PARP9: variants seen among roughly 807,000 people sequenced by gnomAD.
PARP9 encodes the protein protein mono-ADP-ribosyltransferase PARP9.
In PARP9, 48 loss-of-function variants were observed where a neutral mutation model predicts 68.8. The observed-to-expected ratio is 0.70, with a 90% CI of 0.55 to 0.89. The LOEUF is 0.89. Ranked by LOEUF, PARP9 falls within the 40% of genes least tolerant of loss-of-function variation. PARP9 has a pLI of 0.00. For missense variants in PARP9, 806 were observed against 969.3 expected (o/e 0.83, Z 2.24); for synonymous variants, 309 against 333.8 (o/e 0.93, Z 0.81).
intron 10 of PARP9, chr3:122,532,018 T>C (rs1200074696): frequency 2.2e-6 from 1 of 460,322 alleles, no homozygotes; most frequent in Non-Finnish European, 2.9e-6. Flanking sequence ...ACAATGGAAA[T>C]CTCGGAATAA....
chr3:122,538,362 AAGAG>A (rs1281230181), intron 8 of PARP9, among the ~76,000 whole-genome samples: 2 of 152,212 alleles, frequency 1.3e-5, no homozygotes, highest in African/African-American at 2.4e-5. Flanking sequence ...AGTGGCATAA[AAGAG>A]AGGCCATGCC....
Position 122,552,487 on chromosome 3 carries a change from T to A in PARP9, c.1038A>T (p.Thr346=). The change falls in exon 5 of 11, where the codon ACA becomes ACT. Residue 346 remains threonine, a synonymous_variant. Coordinates refer to ENST00000682323, the MANE Select transcript of PARP9 (RefSeq NM_001146105.2). ...QFQRSQLVLV[T]KGFNLFCKYI... is the part of the protein sequence containing the mutation. Reference sequence around the variant, plus strand: ...ATTTACAGAACAAGTTAAATCCTTTTGTGACCAGTACCAACTGGGACCGTT... The same window carrying A: ...ATTTACAGAACAAGTTAAATCCTTTAGTGACCAGTACCAACTGGGACCGTT... The A allele has an allele frequency of 6.2e-7, 1 of 1,614,190 alleles. No homozygotes were observed. The highest frequency in any genetic ancestry group is 8.5e-7 in the Non-Finnish European group (1 of 1,180,018).
At position 122,530,139 on chromosome 3, in the gene PARP9, T is replaced by G. The variant is rs1263854569; in HGVS notation, c.2081-1396A>C. ...TTGCAGTGAGCTGTGATCGTGCCAC[T>G]GCACTCCAACCTGGGTGACAAAGCA... On this transcript the variant is annotated intron_variant, in intron 10 of 10. Coordinates refer to ENST00000682323, the MANE Select transcript of PARP9 (RefSeq NM_001146105.2). Among the ~76,000 whole-genome samples the G allele has an allele frequency of 7.6e-5, 10 of 131,270 alleles. No individual in the cohort carries two copies. In the Admixed American group the frequency reaches 9.0e-4, roughly 12 times the overall value. 86.1% of individuals were successfully genotyped at this position (131,270 alleles called of 152,430 possible).
intron 4 of PARP9, among the ~76,000 whole-genome samples, chr3:122,553,179 G>C (rs2079357477): frequency 6.6e-6 from 1 of 152,120 alleles, no homozygotes; most frequent in Non-Finnish European, 1.5e-5. Flanking sequence ...CCCCTTCTTG[G>C]TCAGGTTCCC....
rs907401048 is a variant in PARP9, at chr3:122,556,038, G to A, written c.133C>T (p.Gln45Ter). The A allele has an allele frequency of 1.2e-6, 2 of 1,609,326 alleles. No homozygotes were observed. Among genetic ancestry groups the A allele is most frequent in the Non-Finnish European group, 1.7e-6 (2 of 1,178,390 alleles). The change falls in exon 4 of 11, where the codon CAG becomes TAG. Residue 45 changes from glutamine to a stop codon, truncating the protein, a stop_gained. Transcript: ENST00000682323. LOFTEE classifies it high-confidence loss of function. The part of the protein sequence containing the change: ...DFKILKNNER[Q>*]LCEVLQNKFG... ...TTATTCTGGAGGACTTCACACAGCT[G>A]ACGCTCATTATTTTTTAAAATTTTG...
chr3:122,564,392 C>G (rs1262707112), upstream of PARP9: 6 of 1,583,324 alleles, frequency 3.8e-6, no homozygotes, highest in Non-Finnish European at 5.1e-6. Context: ...CCAGCTGCCT[C>G]CCGGAGCCCC....
At position 122,564,284 on chromosome 3, in the gene PARP9, G is replaced by A; in HGVS notation, c.-129C>T. 3 of 1,026,768 alleles carry A rather than the reference G, an allele frequency of 2.9e-6. No homozygotes were observed. The highest frequency in any genetic ancestry group is 4.1e-6 in the Non-Finnish European group (3 of 727,714). The allele number at this position is 1,026,768 out of a possible 1,614,324, so 63.6% of individuals were successfully genotyped here. A position where few individuals can be genotyped will look rare whatever the true frequency, so the allele number is the denominator to read the frequency against. On this transcript the variant is annotated 5_prime_UTR_variant, in exon 1 of 11. Coordinates refer to ENST00000682323, the MANE Select transcript of PARP9 (RefSeq NM_001146105.2). ...TCCTCGGTGCAGACAGCACAGGGAG[G>A]AGGGGGAAGCGGCTCTGCCGGGAAC... is the stretch of plus-strand genomic sequence containing the variant.
At chr3:122,533,646 C>T in intron 10 of PARP9, 1 of 964,000 alleles carries the variant, frequency 1.0e-6, no homozygotes. Context: ...AGCACAGGGC[C>T]TGATTCATAG....
Position 122,560,185 on chromosome 3 carries a change from A to C in PARP9, c.-89-476T>G, listed in dbSNP as rs535435528. Among the ~76,000 whole-genome samples the C allele has an allele frequency of 4.6e-5, 7 of 152,290 alleles. No individual in the cohort carries two copies. In the South Asian group the frequency reaches 1.5e-3, roughly 32 times the overall value. On this transcript the variant is annotated intron_variant, in intron 1 of 10. Transcript: ENST00000682323. ...GGGGTGTATTATTGAATTTGTGATA[A>C]ACATCCTTGACCTAATGATAGGGGT...
chr3:122,558,114 A>T (rs2079860000), intron 3 of PARP9, among the ~76,000 whole-genome samples: 2 of 152,214 alleles, frequency 1.3e-5, no homozygotes, highest in African/African-American at 2.4e-5. Flanking sequence ...ATTAGGCCAG[A>T]ACTATTTAGC....
chr3:122,552,679 C>T, intron 4 of PARP9, 40 bp from the exon 5 acceptor site: 1 of 1,451,500 alleles, frequency 6.9e-7, no homozygotes, highest in Non-Finnish European at 9.6e-7. Context: ...TGTTAAATTC[C>T]TTCTTCTTAA....
At position 122,555,931 on chromosome 3, in the gene PARP9, A is replaced by G. The variant is rs553617057; in HGVS notation, c.240T>C (p.Thr80=). 6.2e-7 allele frequency: 1 copy of G among 1,613,964 alleles called. No individual in the cohort carries two copies. The highest frequency in any genetic ancestry group is 8.5e-7 in the Non-Finnish European group (1 of 1,179,988). ...TCCAGACTGATAACTCTATCCTAGG[A>G]GTCAGCATTTTTCTGAACACTTGCA... ...KSLQVFRKML[T]PRIELSVWKD... The change falls in exon 4 of 11, where the codon ACT becomes ACC. Residue 80 remains threonine, a synonymous_variant. Transcript: ENST00000682323.
chr3:122,550,595 C>A lies in PARP9; in HGVS notation c.1315G>T (p.Glu439Ter). 6.2e-7 allele frequency: 1 copy of A among 1,608,740 alleles called. No individual in the cohort carries two copies. Among genetic ancestry groups the A allele is most frequent in the South Asian group, 1.1e-5 (1 of 90,892 alleles). Reference protein sequence around the residue: ...VKFVIFPTDLEIYKAFSSEMA... With the variant: ...VKFVIFPTDL The stretch of plus-strand genomic sequence containing the variant: ...AGATATTAACTTACCTTATATATCT[C>A]CAAATCTGTTGGAAAGATCACAAAT... Residue 439 changes from glutamate to a stop codon, truncating the protein, a stop_gained, in exon 6 of 11, where the codon GAG becomes TAG. Transcript: ENST00000682323. LOFTEE classifies it high-confidence loss of function.
rs184435896 is a variant in PARP9, at chr3:122,553,175, C to G, written c.886-536G>C. On this transcript the variant is annotated intron_variant, in intron 4 of 10. Coordinates refer to ENST00000682323, the MANE Select transcript of PARP9 (RefSeq NM_001146105.2). ...TCTTCAATGAAAAGTAGGTCCCCTT[C>G]TTGGTCAGGTTCCCAGACCCCCCCA... Among the ~76,000 whole-genome samples, 3 of 152,338 alleles carry G rather than the reference C, an allele frequency of 2.0e-5. No homozygotes were observed. In the East Asian group the frequency reaches 5.8e-4, roughly 29 times the overall value.
intron 10 of PARP9, among the ~76,000 whole-genome samples, chr3:122,530,549 A>G (rs2077236443): frequency 6.6e-6 from 1 of 152,198 alleles, no homozygotes. Context: ...AACACTCAGG[A>G]GGCTGAGGGC....
chr3:122,529,359 A>C (rs935434389), intron 10 of PARP9, among the ~76,000 whole-genome samples: 23 of 152,284 alleles, frequency 1.5e-4, no homozygotes, highest in African/African-American at 5.3e-4. Flanking sequence ...CGTAAAAGAC[A>C]AAGATCTGAG....
intron 7 of PARP9, among the ~76,000 whole-genome samples, chr3:122,541,263 T>C (rs2078211403): frequency 6.6e-6 from 1 of 152,244 alleles, no homozygotes; most frequent in African/African-American, 2.4e-5. Context: ...TTGTCACCAC[T>C]GTCAGCAGTA....
intron 7 of PARP9, 76 bp downstream of exon 7, chr3:122,545,356 T>A: frequency 6.9e-7 from 1 of 1,447,094 alleles, no homozygotes; most frequent in Non-Finnish European, 9.7e-7. Flanking sequence ...CTCCCCTCCG[T>A]TAGTTCAGAT....
chr3:122,555,022 T>A (rs867252896), intron 4 of PARP9, among the ~76,000 whole-genome samples: 21 of 151,266 alleles, frequency 1.4e-4, no homozygotes, highest in East Asian at 1.4e-3. Context: ...CAGCCTATTT[T>A]AAAAAAAAAC....
Sources: gnomAD v4.1 joint callset for allele counts (sites outside exome capture counted in the v4.1 genomes callset) on GRCh38, gnomAD v4.1.1 for gene constraint, MANE v1.5 for transcripts, NCBI Gene and HGNC (gene_info 2026-07-23, HGNC 2026-07-21) for gene names.